ITIH2: variants seen among roughly 807,000 people sequenced by gnomAD.
ITIH2 encodes the protein inter-alpha-trypsin inhibitor heavy chain 2.
Under a neutral mutation model 104.4 loss-of-function variants are expected in ITIH2, and 103 were observed. The ratio of observed to expected loss-of-function variants is 0.99; its 90% CI spans 0.84 to 1.16. The LOEUF is 1.16. ITIH2 is among the 50% of genes most tolerant of loss of function. The probability of loss-of-function intolerance (pLI) is 0.00; values close to 1 mark genes in which losing one functional copy is unlikely to be tolerated. For missense variants in ITIH2, 1,108 were observed against 1,162.4 expected (o/e 0.95, Z 0.68); for synonymous variants, 436 against 435.4 (o/e 1.00, Z -0.02).
At chr10:7,710,545 C>T (rs1361731801) in intron 4 of ITIH2, among the ~76,000 whole-genome samples, 4 of 152,028 alleles carry the variant, frequency 2.6e-5, no homozygotes, top group Admixed American at 2.6e-4. Flanking sequence ...TTTATGAAGA[C>T]ATTAGGTTGA....
chr10:7,716,146 G>A (rs752628883), intron 5 of ITIH2, among the ~76,000 whole-genome samples: 30 of 152,062 alleles, frequency 2.0e-4, no homozygotes, highest in South Asian at 1.9e-3. Flanking sequence ...CACCACACCC[G>A]GCTAATTTTT....
chr10:7,707,297 A>G lies in ITIH2; in HGVS notation c.192+64A>G. ...CCTGTTAATAATTACCAGGAAATCAATCTGGGTGTCTCTTTTTTCTTCATC... is the reference window on the plus strand; with the variant it reads ...CCTGTTAATAATTACCAGGAAATCAGTCTGGGTGTCTCTTTTTTCTTCATC... On this transcript the variant is annotated intron_variant, in intron 3 of 20. Transcript: ENST00000358415. 8 of 1,192,092 alleles carry G rather than the reference A, an allele frequency of 6.7e-6. No homozygotes were observed. The South Asian group carries it at 7.5e-5, about 11-fold the overall frequency. The allele number at this position is 1,192,092 out of a possible 1,614,324, so 73.8% of individuals were successfully genotyped here.
intron 15 of ITIH2, among the ~76,000 whole-genome samples, chr10:7,736,198 T>C (rs1835054225): frequency 6.6e-6 from 1 of 152,032 alleles, no homozygotes; most frequent in South Asian, 2.1e-4. Flanking sequence ...AAACCCCATC[T>C]TTAGAAAAAA....
chr10:7,731,773 A>C, intron 12 of ITIH2, 38 bp from the exon 13 acceptor site: 1 of 1,388,626 alleles, frequency 7.2e-7, no homozygotes, highest in Non-Finnish European at 9.9e-7. Context: ...ACAAAGCAGT[A>C]GGAACATAAT....
intron 1 of ITIH2, among the ~76,000 whole-genome samples, chr10:7,704,328 C>T (rs1260722575): frequency 6.6e-6 from 1 of 152,240 alleles, no homozygotes; most frequent in African/African-American, 2.4e-5. Context: ...TTGAAACTAT[C>T]ATATTTTCCA....
chr10:7,742,346 T>C (rs1835134842), intron 16 of ITIH2, among the ~76,000 whole-genome samples: 1 of 152,208 alleles, frequency 6.6e-6, no homozygotes, highest in South Asian at 2.1e-4. Context: ...TGGGAGTAGC[T>C]TGATTCTTCA....
intron 14 of ITIH2, among the ~76,000 whole-genome samples, chr10:7,734,709 TAATAAATAAGTA>T (rs1835035615): frequency 6.6e-6 from 1 of 152,094 alleles, no homozygotes; most frequent in African/African-American, 2.4e-5. Context: ...ATAATAATGA[TAATAAATAAGTA>T]AATAAATAAT....
intron 16 of ITIH2, among the ~76,000 whole-genome samples, chr10:7,740,001 CAG>C (rs1011443172): frequency 1.3e-5 from 2 of 152,192 alleles, no homozygotes; most frequent in African/African-American, 4.8e-5. Context: ...GCCTGGCCAA[CAG>C]GGGGAAACCC....
Position 7,738,774 on chromosome 10 carries a change from T to G in ITIH2, c.2095+16T>G. ...GTGATGAGAGGTAACGCTTCTACAC[T>G]GCTTGCACGTCCCAGAACTCAGCCG... On this transcript the variant is annotated intron_variant, in intron 16 of 20. Transcript: ENST00000358415. The G allele has an allele frequency of 6.4e-7, 1 of 1,571,448 alleles. No homozygotes were observed. The highest frequency in any genetic ancestry group is 8.6e-7 in the Non-Finnish European group (1 of 1,158,978).
intron 8 of ITIH2, among the ~76,000 whole-genome samples, chr10:7,722,580 C>T (rs1834914623): frequency 6.6e-6 from 1 of 152,140 alleles, no homozygotes; most frequent in Non-Finnish European, 1.5e-5. Context: ...CTTGCTGAAC[C>T]ACATATGGAG....
intron 20 of ITIH2, among the ~76,000 whole-genome samples, chr10:7,747,361 CT>C (rs1198380314): frequency 6.6e-6 from 1 of 152,156 alleles, no homozygotes; most frequent in African/African-American, 2.4e-5. Flanking sequence ...ATGTCATTGG[CT>C]TTGACATACT....
chr10:7,711,997 A>G (rs1181833527), intron 4 of ITIH2, among the ~76,000 whole-genome samples: 1 of 152,206 alleles, frequency 6.6e-6, no homozygotes, highest in African/African-American at 2.4e-5. Context: ...TGCAAATAGA[A>G]GACAGAGGTC....
At chr10:7,744,468 G>A (rs973198114) in intron 18 of ITIH2, among the ~76,000 whole-genome samples, 188 bp downstream of exon 18, 6 of 152,172 alleles carry the variant, frequency 3.9e-5, no homozygotes, top group African/African-American at 1.4e-4. Context: ...TTTGGTCACC[G>A]TTGGGTCCCA....
At position 7,713,255 on chromosome 10, in the gene ITIH2, G is replaced by C. The variant is rs1834814689; in HGVS notation, c.437G>C (p.Arg146Thr). 6.2e-7 allele frequency: 1 copy of C among 1,614,056 alleles called. No homozygotes were observed. Among genetic ancestry groups the C allele is most frequent in the Non-Finnish European group, 8.5e-7 (1 of 1,180,014 alleles). Reference protein sequence around the residue: ...TVGRALYAQARAKGKTAGLVR... With the variant: ...TVGRALYAQATAKGKTAGLVR... Reference sequence around the variant, plus strand: ...GGCCGAGCTCTTTATGCACAGGCCAGAGCAAAAGGCAAGACGGCTGGCTTG... The same window carrying C: ...GGCCGAGCTCTTTATGCACAGGCCACAGCAAAAGGCAAGACGGCTGGCTTG... Residue 146 changes from arginine to threonine, a missense_variant, in exon 5 of 21, where the codon AGA (arginine) becomes ACA (threonine). Physicochemically the swap from Arg to Thr is moderately conservative, Grantham distance 71. Coordinates refer to ENST00000358415, the MANE Select transcript of ITIH2 (RefSeq NM_002216.3).
At chr10:7,738,247 T>A (rs61836663) in intron 15 of ITIH2, among the ~76,000 whole-genome samples, 6,863 of 48,750 alleles carry the variant, frequency 0.14, 651 homozygotes, top group African/African-American at 0.24. Context: ...ATATTCTATA[T>A]AATATTATAT....
At chr10:7,718,549 C>T (rs1008431720) in intron 6 of ITIH2, among the ~76,000 whole-genome samples, 2 of 149,660 alleles carry the variant, frequency 1.3e-5, no homozygotes, top group Non-Finnish European at 2.9e-5. Context: ...CTTTTAAGTT[C>T]AGGGGCATAT....
At chr10:7,705,235 C>A in intron 2 of ITIH2, 53 bp downstream of exon 2, 2 of 1,230,634 alleles carry the variant, frequency 1.6e-6, no homozygotes, top group South Asian at 1.3e-5. Context: ...GAGATTATGG[C>A]AGAAGAAGAC....
chr10:7,710,104 G>A (rs1040592542), intron 4 of ITIH2, among the ~76,000 whole-genome samples: 2 of 152,116 alleles, frequency 1.3e-5, no homozygotes, highest in African/African-American at 2.4e-5. Flanking sequence ...TGCCCGCCTC[G>A]GCCTCCCAAA....
intron 3 of ITIH2, among the ~76,000 whole-genome samples, chr10:7,707,591 G>A (rs1178757971): frequency 2.6e-5 from 4 of 152,014 alleles, no homozygotes; most frequent in Admixed American, 2.6e-4. Flanking sequence ...TTGAGACAGA[G>A]TTTCACTTTT....
Sources: gnomAD v4.1 joint callset for allele counts (sites outside exome capture counted in the v4.1 genomes callset) on GRCh38, gnomAD v4.1.1 for gene constraint, MANE v1.5 for transcripts, NCBI Gene and HGNC (gene_info 2026-07-23, HGNC 2026-07-21) for gene names.